The following CYP3A7 variants were observed in gnomAD, a reference collection of about 807,000 sequenced individuals.
CYP3A7 encodes the protein cytochrome P450 3A7.
A neutral mutation model predicts 55.2 loss-of-function variants in CYP3A7; 45 were observed. That is an observed-to-expected ratio of 0.82 (90% CI 0.64 to 1.05). CYP3A7 has a LOEUF of 1.05. Among genes scored for constraint, CYP3A7 ranks in the 50% least tolerant of loss-of-function variants. The pLI, the probability that CYP3A7 is intolerant of heterozygous loss-of-function variation, is 0.00. For synonymous variants in CYP3A7, 180 were observed against 207.4 expected (o/e 0.87, Z 1.13); for missense variants, 548 against 605.3 (o/e 0.91, Z 0.99).
At chr7:99,716,477 A>C (rs1040574877) in intron 6 of CYP3A7, among the ~76,000 whole-genome samples, 3 of 152,204 alleles carry the variant, frequency 2.0e-5, no homozygotes, top group African/African-American at 7.2e-5. Context: ...CCCTGATGGC[A>C]GAATTATTTT....
chr7:99,720,859 G>T (rs1209592590), intron 3 of CYP3A7: 1 of 178,904 alleles, frequency 5.6e-6, no homozygotes, highest in African/African-American at 2.4e-5. Flanking sequence ...TTCAAGGGCA[G>T]TTGCTGTGGG....
chr7:99,724,095 C>G (rs999726969), intron 2 of CYP3A7, among the ~76,000 whole-genome samples: 7 of 152,150 alleles, frequency 4.6e-5, no homozygotes, highest in African/African-American at 1.2e-4. Flanking sequence ...GTACCATCTC[C>G]CCTCTCTCCA....
At chr7:99,715,588 G>T in intron 7 of CYP3A7, 170 bp downstream of exon 7, 2 of 1,195,020 alleles carry the variant, frequency 1.7e-6, no homozygotes, top group African/African-American at 1.5e-5. Context: ...TTTCTAGAAT[G>T]ACAGAAGTGT....
chr7:99,718,644 A>G (rs891093407), intron 4 of CYP3A7, among the ~76,000 whole-genome samples: 1 of 152,204 alleles, frequency 6.6e-6, no homozygotes. Flanking sequence ...CAAAAATTCA[A>G]CACATTTATT....
At chr7:99,733,945 A>C (rs1814728208) in intron 1 of CYP3A7, among the ~76,000 whole-genome samples, 1 of 152,244 alleles carries the variant, frequency 6.6e-6, no homozygotes, top group African/African-American at 2.4e-5. Context: ...ATATTTGTAC[A>C]TTAGACTCAT....
chr7:99,732,789 T>G (rs1343179949), intron 1 of CYP3A7, among the ~76,000 whole-genome samples: 1 of 152,226 alleles, frequency 6.6e-6, no homozygotes, highest in Non-Finnish European at 1.5e-5. Flanking sequence ...TGGATCCATA[T>G]GCCTCATATG....
intron 1 of CYP3A7, among the ~76,000 whole-genome samples, chr7:99,733,628 C>G (rs1215315073): frequency 6.6e-6 from 1 of 152,146 alleles, no homozygotes; most frequent in Non-Finnish European, 1.5e-5. Flanking sequence ...TGATGGTGCC[C>G]TTGTGTCCAG....
At chr7:99,714,013 G>T (rs1449831995) in intron 8 of CYP3A7, among the ~76,000 whole-genome samples, 1 of 152,158 alleles carries the variant, frequency 6.6e-6, no homozygotes, top group Non-Finnish European at 1.5e-5. Context: ...GCTCATGAAG[G>T]CAAAGCTGAG....
At chr7:99,713,360 C>A in intron 9 of CYP3A7, 109 bp downstream of exon 9, 1 of 1,521,946 alleles carries the variant, frequency 6.6e-7, no homozygotes, top group Non-Finnish European at 9.1e-7. Flanking sequence ...TGTCATTCTG[C>A]TATGTGGCAG....
At chr7:99,717,440 G>C in intron 5 of CYP3A7, 86 bp downstream of exon 5, 1 of 1,589,092 alleles carries the variant, frequency 6.3e-7, no homozygotes, top group Non-Finnish European at 8.6e-7. Flanking sequence ...ACTACTCCTC[G>C]GAAAGGAACT....
intron 4 of CYP3A7, among the ~76,000 whole-genome samples, chr7:99,718,014 A>G (rs1354988030): frequency 6.6e-6 from 1 of 152,088 alleles, no homozygotes; most frequent in African/African-American, 2.4e-5. Flanking sequence ...GTTCACCTAA[A>G]CCATGGGCAA....
chr7:99,733,405 G>C (rs1049898867), intron 1 of CYP3A7, among the ~76,000 whole-genome samples: 1 of 152,138 alleles, frequency 6.6e-6, no homozygotes, highest in African/African-American at 2.4e-5. Flanking sequence ...GTTTGGTAGA[G>C]TAATGCTGCT....
In CYP3A7 at chr7:99,705,434, A is replaced by G. The variant is rs1813483093; in HGVS notation, c.*66T>C. 6.4e-7 allele frequency: 1 copy of G among 1,551,394 alleles called. No individual in the cohort carries two copies. The highest frequency in any genetic ancestry group is 8.9e-7 in the Non-Finnish European group (1 of 1,125,284). On this transcript the variant is annotated 3_prime_UTR_variant, in exon 13 of 13. Coordinates refer to ENST00000336374, the MANE Select transcript of CYP3A7 (RefSeq NM_000765.5). Reference sequence around the variant, plus strand: ...ATTTCAGGGTTCTATTTGTAAAGTAATTTGAGGTCTCTGGTGTTCTGGGGC... The same window carrying G: ...ATTTCAGGGTTCTATTTGTAAAGTAGTTTGAGGTCTCTGGTGTTCTGGGGC...
At chr7:99,712,555 G>C (rs1813795742) in intron 9 of CYP3A7, among the ~76,000 whole-genome samples, 1 of 152,194 alleles carries the variant, frequency 6.6e-6, no homozygotes, top group Admixed American at 6.5e-5. Flanking sequence ...AAAACAGTAG[G>C]CTATTTCCTT....
At chr7:99,720,651 C>A in intron 3 of CYP3A7, 1 of 453,802 alleles carries the variant, frequency 2.2e-6, no homozygotes, top group Non-Finnish European at 4.0e-6. Flanking sequence ...GATTGAAAGA[C>A]AAAAGAGCTC....
intron 2 of CYP3A7, among the ~76,000 whole-genome samples, chr7:99,726,214 A>C (rs1814405847): frequency 6.6e-6 from 1 of 151,986 alleles, no homozygotes; most frequent in Non-Finnish European, 1.5e-5. Flanking sequence ...GCCCATTACT[A>C]TCCCATTAAA....
intron 2 of CYP3A7, among the ~76,000 whole-genome samples, chr7:99,727,260 G>A (rs867689033): frequency 3.9e-5 from 6 of 152,152 alleles, no homozygotes; most frequent in African/African-American, 1.4e-4. Context: ...TGACCTTACT[G>A]TTTTAGGCTG....
intron 2 of CYP3A7, 180 bp downstream of exon 2, chr7:99,730,879 C>G: frequency 1.4e-6 from 1 of 736,602 alleles, no homozygotes; most frequent in Non-Finnish European, 2.1e-6. Context: ...ACTTGAGGTT[C>G]CTGAGAGTTA....
chr7:99,716,004 C>T, intron 6 of CYP3A7, 98 bp from the exon 7 acceptor site: 1 of 1,605,342 alleles, frequency 6.2e-7, no homozygotes, highest in Non-Finnish European at 8.5e-7. Flanking sequence ...TCAAGACAGA[C>T]AAACAGCCAC....
Sources: gnomAD v4.1 joint callset for allele counts (sites outside exome capture counted in the v4.1 genomes callset) on GRCh38, gnomAD v4.1.1 for gene constraint, MANE v1.5 for transcripts, NCBI Gene and HGNC (gene_info 2026-07-23, HGNC 2026-07-21) for gene names.